The following MLLT3 variants were observed in gnomAD, a reference collection of about 807,000 sequenced individuals.
MLLT3 encodes the protein protein AF-9.
MLLT3 carries 4 observed loss-of-function variants against 53.2 expected under a neutral mutation model. That is an observed-to-expected ratio of 0.08 (90% CI 0.04 to 0.17). The LOEUF is 0.17. MLLT3 is among the 10% of genes least tolerant of loss of function. MLLT3 has a pLI of 1.00. For synonymous variants in MLLT3, 283 were observed against 230.6 expected, an observed-to-expected ratio of 1.23 and a Z score of -2.06; for missense variants, 569 against 684.0, an observed-to-expected ratio of 0.83 and a Z score of 1.87.
intron 8 of MLLT3, among the ~76,000 whole-genome samples, chr9:20,359,191 A>G (rs1350945111): frequency 6.6e-6 from 1 of 151,594 alleles, no homozygotes; most frequent in Non-Finnish European, 1.5e-5. Flanking sequence ...CCAAGGTTCA[A>G]ATTCTATTCT....
intron 2 of MLLT3, among the ~76,000 whole-genome samples, chr9:20,602,863 C>T (rs1820463354): frequency 1.3e-5 from 2 of 151,948 alleles, no homozygotes; most frequent in Admixed American, 6.6e-5. Flanking sequence ...CTTTTTAATT[C>T]CTCCTGCCAA....
rs60229375 is a variant in MLLT3, at chr9:20,373,043, T to G, written c.1126-7299A>C. Among the ~76,000 whole-genome samples, 97 of 152,308 alleles carry G rather than the reference T, an allele frequency of 6.4e-4. No homozygotes were observed. The East Asian group carries it at 0.017, about 26-fold the overall frequency. On this transcript the variant is annotated intron_variant, in intron 5 of 10. Coordinates refer to ENST00000380338, the MANE Select transcript of MLLT3 (RefSeq NM_004529.4). ...GTCTCGAAGGTATGCCTACATATGC[T>G]GAAGTATCTTAATTCTACTGCTTGA... is the stretch of plus-strand genomic sequence containing the variant.
intron 2 of MLLT3, among the ~76,000 whole-genome samples, chr9:20,498,551 G>T (rs1374809401): frequency 6.6e-6 from 1 of 152,100 alleles, no homozygotes; most frequent in African/African-American, 2.4e-5. Flanking sequence ...CCGACCACAG[G>T]CCACATGCAG....
chr9:20,359,389 G>A (rs1472993836), intron 8 of MLLT3, among the ~76,000 whole-genome samples: 1 of 152,148 alleles, frequency 6.6e-6, no homozygotes. Flanking sequence ...CATGAGCACA[G>A]CTGGCCCTGA....
intron 2 of MLLT3, among the ~76,000 whole-genome samples, chr9:20,614,025 G>GA: frequency 6.6e-6 from 1 of 152,258 alleles, no homozygotes; most frequent in Admixed American, 6.5e-5. Context: ...TGTCATACCA[G>GA]AAAAATCCAA....
chr9:20,346,763 C>T (rs1402417218), intron 10 of MLLT3, among the ~76,000 whole-genome samples, 189 bp from the exon 11 acceptor site: 1 of 152,026 alleles, frequency 6.6e-6, no homozygotes, highest in Non-Finnish European at 1.5e-5. Flanking sequence ...TATATTAAGC[C>T]TTAGAAATTC....
intron 3 of MLLT3, among the ~76,000 whole-genome samples, chr9:20,452,462 C>A (rs1291350943): frequency 1.3e-5 from 2 of 152,172 alleles, no homozygotes; most frequent in Non-Finnish European, 2.9e-5. Flanking sequence ...CCCAGCCATG[C>A]AGAACTGTGA....
intron 8 of MLLT3, among the ~76,000 whole-genome samples, chr9:20,356,529 T>C (rs942649644): frequency 7.2e-5 from 11 of 151,832 alleles, no homozygotes; most frequent in Admixed American, 2.0e-4. Context: ...GGGCTGGGCA[T>C]GCAGAGACAA....
intron 2 of MLLT3, among the ~76,000 whole-genome samples, chr9:20,569,562 A>G (rs1170137172): frequency 1.3e-5 from 2 of 152,196 alleles, no homozygotes; most frequent in Non-Finnish European, 2.9e-5. Flanking sequence ...CTACTACAAC[A>G]TACTTATAAT....
chr9:20,371,666 A>G (rs1342360518), intron 5 of MLLT3, among the ~76,000 whole-genome samples: 1 of 152,238 alleles, frequency 6.6e-6, no homozygotes, highest in Non-Finnish European at 1.5e-5. Flanking sequence ...ATTATTGCTC[A>G]TTGACAATGT....
chr9:20,553,362 A>C (rs924283157), intron 2 of MLLT3, among the ~76,000 whole-genome samples: 1 of 152,218 alleles, frequency 6.6e-6, no homozygotes, highest in African/African-American at 2.4e-5. Flanking sequence ...AGTCGGCCTC[A>C]CATTTATTCG....
At chr9:20,450,181 A>G (rs183412376) in intron 3 of MLLT3, among the ~76,000 whole-genome samples, 1 of 152,246 alleles carries the variant, frequency 6.6e-6, no homozygotes, top group Admixed American at 6.5e-5. Flanking sequence ...TTCCTCACTC[A>G]CTACAGTCAA....
chr9:20,384,555 G>A, intron 5 of MLLT3, among the ~76,000 whole-genome samples: 1 of 151,978 alleles, frequency 6.6e-6, no homozygotes, highest in Admixed American at 6.6e-5. Flanking sequence ...TTAATGCTCA[G>A]TTTGTACCTA....
chr9:20,484,374 G>T (rs888601764), intron 2 of MLLT3, among the ~76,000 whole-genome samples: 2 of 152,062 alleles, frequency 1.3e-5, no homozygotes, highest in East Asian at 3.9e-4. Flanking sequence ...CAGAACAATT[G>T]TTCTACCGTC....
chr9:20,502,096 G>C lies in MLLT3; in HGVS notation c.194-45310C>G, dbSNP rs1202267386. On this transcript the variant is annotated intron_variant, in intron 2 of 10. Transcript: ENST00000380338. ...AACTCCATCTCAAAAAAAAAAAAGGGGGGGGGGGGGACTACCTTTTAAGGA... is the reference window on the plus strand; with the variant it reads ...AACTCCATCTCAAAAAAAAAAAAGGCGGGGGGGGGGACTACCTTTTAAGGA... Among the ~76,000 whole-genome samples the C allele has an allele frequency of 4.1e-3, 519 of 125,110 alleles. 2 individuals carry two copies. Among genetic ancestry groups the C allele is most frequent in the African/African-American group, 0.012 (440 of 35,554 alleles). 82.1% of individuals were successfully genotyped at this position (125,110 alleles called of 152,430 possible).
intron 5 of MLLT3, among the ~76,000 whole-genome samples, chr9:20,402,821 A>G (rs144202157): frequency 6.4e-4 from 97 of 152,312 alleles, no homozygotes; most frequent in Admixed American, 5.4e-3. Context: ...TAGACAAGAC[A>G]TGAAGCACTG....
At chr9:20,520,648 G>T (rs1053005098) in intron 2 of MLLT3, among the ~76,000 whole-genome samples, 1 of 152,170 alleles carries the variant, frequency 6.6e-6, no homozygotes, top group Admixed American at 6.6e-5. Flanking sequence ...CAACAAAAAT[G>T]GTTGACTGGG....
At chr9:20,524,412 A>G (rs184494767) in intron 2 of MLLT3, among the ~76,000 whole-genome samples, 37 of 152,306 alleles carry the variant, frequency 2.4e-4, no homozygotes, top group African/African-American at 8.2e-4. Flanking sequence ...ACTGCATAGT[A>G]CAATAGAATA....
At chr9:20,477,040 C>A (rs1824538268) in intron 2 of MLLT3, among the ~76,000 whole-genome samples, 1 of 152,022 alleles carries the variant, frequency 6.6e-6, no homozygotes, top group African/African-American at 2.4e-5. Context: ...TTAATTGAAC[C>A]AACTCTGACT....
Sources: allele counts gnomAD v4.1 joint callset (sites outside exome capture counted in the v4.1 genomes callset), GRCh38; gene constraint gnomAD v4.1.1; transcripts MANE v1.5; gene names NCBI Gene and HGNC (gene_info 2026-07-23, HGNC 2026-07-21).